LRIG2: variants seen among roughly 807,000 people sequenced by gnomAD.
The protein encoded by LRIG2 is leucine-rich repeats and immunoglobulin-like domains protein 2.
LRIG2 carries 93 observed loss-of-function variants against 107.8 expected under a neutral mutation model. The observed-to-expected ratio is 0.86, with a 90% CI of 0.73 to 1.03. The LOEUF is 1.03. Ranked by LOEUF, LRIG2 falls within the 50% of genes least tolerant of loss-of-function variation. The pLI is 0.00. For synonymous variants in LRIG2, 471 were observed against 470.6 expected (o/e 1.00, Z -0.01); for missense variants, 1,226 against 1,296.0 (o/e 0.95, Z 0.83).
chr1:113,090,754 C>T (rs1174080139), intron 1 of LRIG2, among the ~76,000 whole-genome samples: 1 of 151,364 alleles, frequency 6.6e-6, no homozygotes, highest in Non-Finnish European at 1.5e-5. Flanking sequence ...AGGAGAATGG[C>T]GTGAACCCGG....
chr1:113,110,210 A>T, intron 12 of LRIG2, 32 bp from the exon 13 acceptor site: 1 of 1,438,118 alleles, frequency 7.0e-7, no homozygotes, highest in Non-Finnish European at 9.5e-7. Context: ...TAAATAACTG[A>T]CTTGGCTACG....
rs1346202579 is a variant in LRIG2, at chr1:113,130,798, C to T, written c.*6697C>T. 3.9e-5 allele frequency: 6 copies of T among 152,138 alleles called. No homozygotes were observed. Among genetic ancestry groups the T allele is most frequent in the East Asian group, 3.8e-4 (2 of 5,200 alleles). 9.4% of individuals were successfully genotyped at this position (152,138 alleles called of 1,614,324 possible). ...TGACAAAAGCGGTCTGACCTGTGTTCGTAGCTGGGAACATGAAACACAAAA... is the reference window on the plus strand; with the variant it reads ...TGACAAAAGCGGTCTGACCTGTGTTTGTAGCTGGGAACATGAAACACAAAA... On this transcript the variant is annotated 3_prime_UTR_variant, in exon 18 of 18. Coordinates refer to ENST00000361127, the MANE Select transcript of LRIG2 (RefSeq NM_014813.3).
intron 17 of LRIG2, among the ~76,000 whole-genome samples, chr1:113,122,789 T>C (rs1007998596): frequency 6.6e-6 from 1 of 152,222 alleles, no homozygotes; most frequent in Admixed American, 6.5e-5. Flanking sequence ...AGAGCAGATC[T>C]AGCAAATCAG....
intron 1 of LRIG2, among the ~76,000 whole-genome samples, chr1:113,079,931 T>C (rs1346352952): frequency 1.3e-5 from 2 of 151,036 alleles, no homozygotes; most frequent in Non-Finnish European, 2.9e-5. Context: ...GGCTTCACCA[T>C]GTTGGCCAGA....
At position 113,098,736 on chromosome 1, in the gene LRIG2, A is replaced by C; in HGVS notation, c.1123A>C (p.Ile375Leu). ...AAGAAACAATGAAATTTCATGGGCC[A>C]TAGAAGATGCTAGTGAAGCCTTTGC... ...DLRNNEISWAIEDASEAFAGL... is the reference protein window; with the variant it reads ...DLRNNEISWALEDASEAFAGL... The change falls in exon 9 of 18, where the codon ATA becomes CTA. Residue 375 changes from isoleucine to leucine, a missense_variant. Ile to Leu is a conservative substitution (Grantham distance 5, BLOSUM62 2). This residue lies in a region of LRIG2 where 570 missense variants were observed against 550.2 expected (regional missense o/e 1.04). Transcript: ENST00000361127. 1 of 1,613,126 alleles carries C rather than the reference A, an allele frequency of 6.2e-7. No individual in the cohort carries two copies. Among genetic ancestry groups the C allele is most frequent in the Non-Finnish European group, 8.5e-7 (1 of 1,179,196 alleles).
intron 1 of LRIG2, among the ~76,000 whole-genome samples, chr1:113,078,270 G>T (rs1242641996): frequency 6.7e-6 from 1 of 150,198 alleles, no homozygotes; most frequent in Non-Finnish European, 1.5e-5. Flanking sequence ...ATGGAGTCTT[G>T]CTGTGTTGCC....
chr1:113,079,597 C>T (rs1253035883), intron 1 of LRIG2, among the ~76,000 whole-genome samples: 5 of 139,176 alleles, frequency 3.6e-5, no homozygotes, highest in African/African-American at 1.1e-4. Context: ...GCAGGAGAAT[C>T]GCTTGAGCCC....
intron 11 of LRIG2, among the ~76,000 whole-genome samples, chr1:113,107,082 A>G (rs1005794368): frequency 6.6e-6 from 1 of 152,128 alleles, no homozygotes; most frequent in Non-Finnish European, 1.5e-5. Flanking sequence ...ACACAAATAT[A>G]TATATACATA....
At chr1:113,083,224 T>G (rs530795967) in intron 1 of LRIG2, among the ~76,000 whole-genome samples, 37 of 150,342 alleles carry the variant, frequency 2.5e-4, no homozygotes, top group Admixed American at 2.1e-3. Context: ...CACACTTTTT[T>G]TTTTTTTTTT....
chr1:113,102,272 T>A lies in LRIG2; in HGVS notation c.1313+1784T>A, dbSNP rs112020409. On this transcript the variant is annotated intron_variant, in intron 11 of 17. Transcript: ENST00000361127. ...TCATTTGTTCCAGTATTTTTTTTTT[T>A]AATTTATTTTTTTTTTGAGATGCAA... 1.8e-4 allele frequency among the ~76,000 whole-genome samples: 25 copies of A among 142,192 alleles called. No individual in the cohort carries two copies. In the South Asian group the frequency reaches 3.0e-3, roughly 17 times the overall value. 93.3% of individuals were successfully genotyped at this position (142,192 alleles called of 152,430 possible).
chr1:113,107,018 C>T (rs1222052619), intron 11 of LRIG2, among the ~76,000 whole-genome samples: 1 of 152,050 alleles, frequency 6.6e-6, no homozygotes, highest in Non-Finnish European at 1.5e-5. Flanking sequence ...TGAATTTGTT[C>T]TATTTCCCTC....
intron 1 of LRIG2, among the ~76,000 whole-genome samples, chr1:113,082,588 TGA>T (rs752239215): frequency 1.6e-4 from 25 of 151,938 alleles, no homozygotes; most frequent in Non-Finnish European, 2.5e-4. Context: ...AAAGCAGGAG[TGA>T]GAGAGAGAGT....
At position 113,119,303 on chromosome 1, in the gene LRIG2, A is replaced by G; in HGVS notation, c.2751A>G (p.Glu917=). 2 of 1,614,132 alleles carry G rather than the reference A, an allele frequency of 1.2e-6. No homozygotes were observed. The highest frequency in any genetic ancestry group is 1.3e-5 in the African/African-American group (1 of 75,020). ...CCAACATCTACTCCAGGACCCGAGA[A>G]TACTGTCCATACACCTATATTGCTG... ...DNANIYSRTR[E]YCPYTYIAEE... is the part of the protein sequence containing the mutation. The change falls in exon 17 of 18, where the codon GAA becomes GAG. Residue 917 remains glutamate, a synonymous_variant. Coordinates refer to ENST00000361127, the MANE Select transcript of LRIG2 (RefSeq NM_014813.3).
rs1654070453 is a variant in LRIG2 at position 113,096,381 on chromosome 1, C to T, written c.1091+16C>T. The T allele has an allele frequency of 1.9e-6, 3 of 1,603,612 alleles. No homozygotes were observed. In the East Asian group the frequency reaches 6.7e-5, roughly 36 times the overall value. ...TTCAGACATTGTAAGTATATCCATT[C>T]TCCTTTTTGGTTGTTGTTACTGATT... On this transcript the variant is annotated intron_variant, in intron 8 of 17. Coordinates refer to ENST00000361127, the MANE Select transcript of LRIG2 (RefSeq NM_014813.3).
chr1:113,112,750 A>C lies in LRIG2; in HGVS notation c.2070A>C (p.Leu690=). The C allele has an allele frequency of 6.2e-7, 1 of 1,603,976 alleles. No individual in the cohort carries two copies. Among genetic ancestry groups the C allele is most frequent in the Non-Finnish European group, 8.5e-7 (1 of 1,171,478 alleles). The change falls in exon 14 of 18, where the codon CTA becomes CTC. Residue 690 remains leucine, a synonymous_variant. Transcript: ENST00000361127. ...TAGGLSANAS[L]TVLETPSFIR... Reference sequence around the variant, plus strand: ...GAGGTCTCTCAGCAAATGCTTCCCTAACAGTGTTAGGTACGTTTACTGCTC... The same window carrying C: ...GAGGTCTCTCAGCAAATGCTTCCCTCACAGTGTTAGGTACGTTTACTGCTC...
At chr1:113,111,518 C>G (rs1185539360) in intron 13 of LRIG2, among the ~76,000 whole-genome samples, 2 of 152,176 alleles carry the variant, frequency 1.3e-5, no homozygotes, top group Admixed American at 1.3e-4. Context: ...TGATACCACT[C>G]TGTATGCCTT....
intron 1 of LRIG2, among the ~76,000 whole-genome samples, chr1:113,086,170 A>AT (rs1179773363): frequency 6.6e-6 from 1 of 151,752 alleles, no homozygotes; most frequent in Non-Finnish European, 1.5e-5. Context: ...CACCTGGCTA[A>AT]TTTTTTATAT....
At chr1:113,101,423 A>G (rs917663956) in intron 11 of LRIG2, among the ~76,000 whole-genome samples, 7 of 152,232 alleles carry the variant, frequency 4.6e-5, no homozygotes, top group Admixed American at 1.3e-4. Flanking sequence ...AAGAACCACT[A>G]GATTATAGAA....
chr1:113,092,020 T>C (rs1040952391), intron 2 of LRIG2, among the ~76,000 whole-genome samples: 1 of 152,236 alleles, frequency 6.6e-6, no homozygotes, highest in African/African-American at 2.4e-5. Flanking sequence ...TTTAATTCTT[T>C]GCTAACAGGG....
Sources: gnomAD v4.1 joint callset for allele counts (sites outside exome capture counted in the v4.1 genomes callset) on GRCh38, gnomAD v4.1.1 for gene constraint, gnomAD v4.1.1 regional missense constraint, MANE v1.5 for transcripts, NCBI Gene and HGNC (gene_info 2026-07-23, HGNC 2026-07-21) for gene names.